MSRA: variants seen among roughly 807,000 people sequenced by gnomAD.
The protein encoded by MSRA is methionine sulfoxide reductase A.
Under a neutral mutation model 31.3 loss-of-function variants are expected in MSRA, and 54 were observed. The ratio of observed to expected loss-of-function variants is 1.73; its 90% CI spans 1.39 to 2.17. MSRA has a LOEUF of 2.17. MSRA is among the 30% of genes most tolerant of loss of function. MSRA has a pLI of 0.00. For synonymous variants in MSRA, 169 were observed against 116.5 expected (o/e 1.45, Z -2.90); for missense variants, 507 against 300.9 (o/e 1.69, Z -5.07).
At chr8:10,170,710 G>A (rs1055116418) in intron 1 of MSRA, among the ~76,000 whole-genome samples, 1 of 152,140 alleles carries the variant, frequency 6.6e-6, no homozygotes, top group African/African-American at 2.4e-5. Flanking sequence ...TTTTATGTCA[G>A]GGACTTGGGC....
At chr8:10,074,137 C>A (rs935480922) in intron 1 of MSRA, among the ~76,000 whole-genome samples, 2 of 121,400 alleles carry the variant, frequency 1.6e-5, no homozygotes, top group African/African-American at 6.4e-5. Flanking sequence ...GGCTGGAGTG[C>A]AGTGGTGCGA....
At chr8:10,360,032 G>A (rs143860671) in intron 5 of MSRA, among the ~76,000 whole-genome samples, 309 of 152,222 alleles carry the variant, frequency 2.0e-3, no homozygotes, top group African/African-American at 7.0e-3. Context: ...TCCACTCCCA[G>A]CAGTGAGGCC....
intron 5 of MSRA, among the ~76,000 whole-genome samples, chr8:10,333,047 T>A (rs188770009): frequency 5.9e-5 from 9 of 151,316 alleles, no homozygotes; most frequent in African/African-American, 2.2e-4. Context: ...ACTGCCCAGG[T>A]TGATGGTGGA....
chr8:10,063,154 G>T (rs1449141584), intron 1 of MSRA, among the ~76,000 whole-genome samples: 1 of 152,044 alleles, frequency 6.6e-6, no homozygotes, highest in African/African-American at 2.4e-5. Context: ...ACCTCTCTCA[G>T]TGGCACTGCT....
intron 1 of MSRA, among the ~76,000 whole-genome samples, chr8:10,153,363 T>C (rs1016090683): frequency 6.6e-6 from 1 of 152,174 alleles, no homozygotes; most frequent in Non-Finnish European, 1.5e-5. Context: ...TCCTGATGGC[T>C]CATCCTGTCT....
At chr8:10,143,892 C>T (rs1299339353) in intron 1 of MSRA, among the ~76,000 whole-genome samples, 1 of 152,130 alleles carries the variant, frequency 6.6e-6, no homozygotes, top group African/African-American at 2.4e-5. Context: ...TCTTTCTCAT[C>T]GATTTTGTAG....
chr8:10,386,296 G>C (rs1421002284), intron 5 of MSRA, among the ~76,000 whole-genome samples: 1 of 152,152 alleles, frequency 6.6e-6, no homozygotes, highest in Non-Finnish European at 1.5e-5. Flanking sequence ...CTCTTCCGCT[G>C]TCCCATATTA....
chr8:10,388,517 CT>C (rs1243078448), intron 5 of MSRA, among the ~76,000 whole-genome samples: 1 of 152,188 alleles, frequency 6.6e-6, no homozygotes. Context: ...GTGGCATATT[CT>C]GGTCTCCTGC....
chr8:10,297,379 C>T (rs1189594159), intron 3 of MSRA, among the ~76,000 whole-genome samples: 1 of 152,156 alleles, frequency 6.6e-6, no homozygotes, highest in African/African-American at 2.4e-5. Context: ...CGTAATGCTG[C>T]TGTGAATTGT....
chr8:10,274,109 T>A (rs1799192376), intron 3 of MSRA, among the ~76,000 whole-genome samples: 1 of 152,088 alleles, frequency 6.6e-6, no homozygotes, highest in Non-Finnish European at 1.5e-5. Context: ...AGGACGCAAT[T>A]TACAAGGCCC....
chr8:10,399,739 G>T (rs1192684713), intron 5 of MSRA, among the ~76,000 whole-genome samples: 1 of 152,162 alleles, frequency 6.6e-6, no homozygotes, highest in Non-Finnish European at 1.5e-5. Context: ...ATGGATGGTG[G>T]TAGCGCTACA....
At chr8:10,154,322 C>T (rs1181162413) in intron 1 of MSRA, among the ~76,000 whole-genome samples, 6 of 152,032 alleles carry the variant, frequency 3.9e-5, no homozygotes, top group Non-Finnish European at 7.4e-5. Context: ...AAATCGGCTT[C>T]ACTGCTTCAA....
chr8:10,191,936 C>G (rs1563201273), intron 1 of MSRA, among the ~76,000 whole-genome samples: 2 of 152,176 alleles, frequency 1.3e-5, no homozygotes, highest in Non-Finnish European at 2.9e-5. Context: ...CGATTGTGGG[C>G]ATGGCTTAGC....
chr8:10,248,606 C>G (rs1304991043), intron 3 of MSRA, among the ~76,000 whole-genome samples: 1 of 152,104 alleles, frequency 6.6e-6, no homozygotes, highest in Non-Finnish European at 1.5e-5. Flanking sequence ...CAGTGTGTGT[C>G]CAGAGAGGGT....
chr8:10,075,038 T>A (rs1797935658), intron 1 of MSRA, among the ~76,000 whole-genome samples: 1 of 152,242 alleles, frequency 6.6e-6, no homozygotes, highest in South Asian at 2.1e-4. Flanking sequence ...TGCTTAGGAA[T>A]TGCTAGCATT....
At chr8:10,149,044 C>A (rs1803416499) in intron 1 of MSRA, among the ~76,000 whole-genome samples, 1 of 151,400 alleles carries the variant, frequency 6.6e-6, no homozygotes, top group African/African-American at 2.4e-5. Context: ...TAACCTCTGC[C>A]TCCCAGGTTC....
chr8:10,096,002 C>G (rs1455971507), intron 1 of MSRA: 3 of 1,440,506 alleles, frequency 2.1e-6, no homozygotes, highest in Non-Finnish European at 1.8e-6. Flanking sequence ...AACCTGCTTT[C>G]AAATCAAATC....
chr8:10,154,613 G>A (rs1162032314), intron 1 of MSRA, among the ~76,000 whole-genome samples: 2 of 152,068 alleles, frequency 1.3e-5, no homozygotes, highest in African/African-American at 4.8e-5. Context: ...ACCTGACCTC[G>A]TGATCCACCC....
At chr8:10,367,898 ACT>A (rs1805259562) in intron 5 of MSRA, among the ~76,000 whole-genome samples, 1 of 151,880 alleles carries the variant, frequency 6.6e-6, no homozygotes, top group African/African-American at 2.4e-5. Flanking sequence ...TGCTTTTAAG[ACT>A]CTGCTCGTTT....
Sources: gnomAD v4.1 joint callset for allele counts (sites outside exome capture counted in the v4.1 genomes callset) on GRCh38, gnomAD v4.1.1 for gene constraint, MANE v1.5 for transcripts, NCBI Gene and HGNC (gene_info 2026-07-23, HGNC 2026-07-21) for gene names.